The following PIP4K2A variants were observed in gnomAD, a reference collection of about 807,000 sequenced individuals.
PIP4K2A encodes phosphatidylinositol 5-phosphate 4-kinase type-2 alpha.
A neutral mutation model predicts 42.9 loss-of-function variants in PIP4K2A; 14 were observed. The observed-to-expected ratio is 0.33, with a 90% confidence interval of 0.22 to 0.51. The LOEUF is 0.51. PIP4K2A is among the 20% of genes least tolerant of loss of function. The pLI, the probability that PIP4K2A is intolerant of heterozygous loss-of-function variation, is 0.97. For missense variants in PIP4K2A, 434 were observed against 519.8 expected, an observed-to-expected ratio of 0.83 and a Z score of 1.61; for synonymous variants, 192 against 192.2, an observed-to-expected ratio of 1.00 and a Z score of 0.01.
At chr10:22,620,229 C>T (rs1186706139) in intron 1 of PIP4K2A, among the ~76,000 whole-genome samples, 1 of 152,198 alleles carries the variant, frequency 6.6e-6, no homozygotes, top group African/African-American at 2.4e-5. Context: ...AGAATGTAGT[C>T]ATGTTAAAAT....
At chr10:22,611,197 T>C (rs193073179) in intron 1 of PIP4K2A, among the ~76,000 whole-genome samples, 5 of 152,084 alleles carry the variant, frequency 3.3e-5, no homozygotes, top group African/African-American at 1.2e-4. Context: ...GAGACCAGCC[T>C]AGGCAACAGA....
intron 4 of PIP4K2A, among the ~76,000 whole-genome samples, chr10:22,588,055 TCAC>T (rs1837438080): frequency 6.6e-6 from 1 of 152,352 alleles, no homozygotes; most frequent in African/African-American, 2.4e-5. Flanking sequence ...CTGTTACTCT[TCAC>T]TGCTGCTGTA....
At chr10:22,551,748 T>C (rs570198417) in intron 6 of PIP4K2A, among the ~76,000 whole-genome samples, 80 of 152,320 alleles carry the variant, frequency 5.3e-4, no homozygotes, top group African/African-American at 1.5e-3. Context: ...GGTCCTCTTT[T>C]CTGTAGGTGT....
intron 1 of PIP4K2A, among the ~76,000 whole-genome samples, chr10:22,674,570 T>C (rs1467336740): frequency 6.6e-6 from 1 of 152,152 alleles, no homozygotes; most frequent in Non-Finnish European, 1.5e-5. Context: ...CTCTTAGCTT[T>C]AGCTGACAAT....
Position 22,535,381 on chromosome 10 carries a change from G to A in PIP4K2A, c.*1820C>T, listed in dbSNP as rs1835893832. 1 of 152,174 alleles carries A rather than the reference G, an allele frequency of 6.6e-6. No individual in the cohort carries two copies. Among genetic ancestry groups the A allele is most frequent in the Non-Finnish European group, 1.5e-5 (1 of 68,048 alleles). 9.4% of individuals were successfully genotyped at this position (152,174 alleles called of 1,614,324 possible). On this transcript the variant is annotated 3_prime_UTR_variant, in exon 10 of 10. Coordinates refer to ENST00000376573, the MANE Select transcript of PIP4K2A (RefSeq NM_005028.5). ...CTACGTGACAGTGGTGTTAACACTG[G>A]CTGCTGAGGATACCAAATCTACATA...
chr10:22,568,948 C>A, intron 5 of PIP4K2A: 1 of 1,277,134 alleles, frequency 7.8e-7, no homozygotes, highest in South Asian at 1.3e-5. Context: ...GCTTCTTTAC[C>A]ACCTGATGAA....
At chr10:22,570,888 G>A (rs1483397818) in intron 5 of PIP4K2A, among the ~76,000 whole-genome samples, 12 of 151,896 alleles carry the variant, frequency 7.9e-5, no homozygotes, top group Non-Finnish European at 1.3e-4. Flanking sequence ...GAAACCCAGC[G>A]TCATTTCAGA....
At position 22,584,693 on chromosome 10, in the gene PIP4K2A, C is replaced by T. The variant is rs567513924; in HGVS notation, c.492+6936G>A. On this transcript the variant is annotated intron_variant, in intron 4 of 9. Coordinates refer to ENST00000376573, the MANE Select transcript of PIP4K2A (RefSeq NM_005028.5). Reference sequence around the variant, plus strand: ...CGGGGCACTCATTGGGCCACAGGAACTCCCAAGATGACAAATACCTTCCCC... The same window carrying T: ...CGGGGCACTCATTGGGCCACAGGAATTCCCAAGATGACAAATACCTTCCCC... Among the ~76,000 whole-genome samples the T allele has an allele frequency of 2.6e-5, 4 of 152,294 alleles. No individual in the cohort carries two copies. The South Asian group carries it at 8.3e-4, about 32-fold the overall frequency.
intron 4 of PIP4K2A, among the ~76,000 whole-genome samples, chr10:22,588,160 T>C (rs1268588507): frequency 2.0e-5 from 3 of 152,368 alleles, no homozygotes; most frequent in Middle Eastern, 3.4e-3. Flanking sequence ...CACCTATACA[T>C]TTCCTTGTTC....
intron 6 of PIP4K2A, among the ~76,000 whole-genome samples, chr10:22,567,069 GCT>G (rs947514252): frequency 3.3e-4 from 50 of 152,278 alleles, no homozygotes; most frequent in African/African-American, 1.2e-3. Context: ...ACAATTTTGA[GCT>G]CTGTTTTCAA....
intron 5 of PIP4K2A, among the ~76,000 whole-genome samples, chr10:22,572,515 G>C (rs1837013873): frequency 6.6e-6 from 1 of 152,114 alleles, no homozygotes; most frequent in Non-Finnish European, 1.5e-5. Flanking sequence ...CTACGTGGGA[G>C]GACTGCTTGA....
intron 1 of PIP4K2A, among the ~76,000 whole-genome samples, chr10:22,624,030 G>T (rs1838386653): frequency 1.3e-5 from 2 of 152,160 alleles, no homozygotes; most frequent in Admixed American, 1.3e-4. Flanking sequence ...TGTGCCTAGA[G>T]ATACCAGCTA....
At chr10:22,709,007 A>T (rs1441163374) in intron 1 of PIP4K2A, among the ~76,000 whole-genome samples, 1 of 151,956 alleles carries the variant, frequency 6.6e-6, no homozygotes, top group Admixed American at 6.6e-5. Flanking sequence ...TGGTCTCAAA[A>T]TCTTGGCCTC....
At chr10:22,610,113 G>A (rs1263832996) in intron 1 of PIP4K2A, among the ~76,000 whole-genome samples, 1 of 152,172 alleles carries the variant, frequency 6.6e-6, no homozygotes, top group East Asian at 1.9e-4. Flanking sequence ...AATTTTTCAC[G>A]TAAATATTTG....
chr10:22,539,621 A>T, intron 9 of PIP4K2A: 1 of 217,250 alleles, frequency 4.6e-6, no homozygotes, highest in Non-Finnish European at 9.2e-6. Flanking sequence ...TTTGTGTAAC[A>T]TCCTAGTGAT....
At chr10:22,553,063 T>G (rs1487240883) in intron 6 of PIP4K2A, among the ~76,000 whole-genome samples, 9 of 152,120 alleles carry the variant, frequency 5.9e-5, no homozygotes, top group Admixed American at 3.9e-4. Flanking sequence ...TAATCCTACC[T>G]CATAAAACTC....
chr10:22,660,422 G>C (rs7100893), intron 1 of PIP4K2A, among the ~76,000 whole-genome samples: 1 of 152,118 alleles, frequency 6.6e-6, no homozygotes, highest in East Asian at 1.9e-4. Context: ...AGTGAGCTGA[G>C]ATCACGCCAC....
chr10:22,587,328 A>G (rs1837419175), intron 4 of PIP4K2A, among the ~76,000 whole-genome samples: 1 of 152,254 alleles, frequency 6.6e-6, no homozygotes, highest in South Asian at 2.1e-4. Context: ...AGAGCCTCTC[A>G]TCAACTGATA....
At chr10:22,587,339 T>C (rs533263936) in intron 4 of PIP4K2A, among the ~76,000 whole-genome samples, 5 of 152,296 alleles carry the variant, frequency 3.3e-5, no homozygotes, top group East Asian at 3.9e-4. Flanking sequence ...TCAACTGATA[T>C]GCACCTGAAC....
Sources: allele counts gnomAD v4.1 joint callset (sites outside exome capture counted in the v4.1 genomes callset), GRCh38; gene constraint gnomAD v4.1.1; transcripts MANE v1.5; gene names NCBI Gene and HGNC (gene_info 2026-07-23, HGNC 2026-07-21).